Variants in ATP1A2 observed in about 807,000 individuals in gnomAD.
The protein encoded by ATP1A2 is ATPase Na+/K+ transporting subunit alpha 2.
In ATP1A2, 56 loss-of-function variants were observed where a neutral mutation model predicts 113.1. The observed-to-expected ratio is 0.49, with a 90% CI of 0.40 to 0.62. ATP1A2 has a LOEUF of 0.62. Ranked by LOEUF, ATP1A2 falls within the 20% of genes least tolerant of loss-of-function variation. The pLI, the probability that ATP1A2 is intolerant of heterozygous loss-of-function variation, is 0.00. For missense variants in ATP1A2, 712 were observed against 1,357.8 expected, an observed-to-expected ratio of 0.52 and a Z score of 7.47; for synonymous variants, 490 against 526.8, an observed-to-expected ratio of 0.93 and a Z score of 0.96.
rs761168835 is a variant in ATP1A2 at position 160,127,669 on chromosome 1, TCATC to T, written c.869_872del (p.Ile290SerfsTer2). ...CCCATAGCAATGGAGATTGAACACT[TCATC>T]CAGCTGATCACAGGGGTCGCTGTAT... On this transcript the variant is annotated frameshift_variant, in exon 8 of 23. Transcript: ENST00000361216. LOFTEE classifies it high-confidence loss of function. 11 of 1,614,212 alleles carry T rather than the reference TCATC, an allele frequency of 6.8e-6. No homozygotes were observed. Among genetic ancestry groups the T allele is most frequent in the Non-Finnish European group, 9.3e-6 (11 of 1,180,032 alleles).
intron 13 of ATP1A2, among the ~76,000 whole-genome samples, chr1:160,132,660 T>A (rs1160484874): frequency 2.0e-5 from 3 of 150,362 alleles, no homozygotes; most frequent in Non-Finnish European, 4.4e-5. Context: ...GTGGCAGGAG[T>A]AGAGAAAAGG....
Position 160,135,035 on chromosome 1 carries a change from G to A in ATP1A2, c.1965-110G>A. On this transcript the variant is annotated intron_variant, in intron 14 of 22. Coordinates refer to ENST00000361216, the MANE Select transcript of ATP1A2 (RefSeq NM_000702.4). This position sits in a 1 kb window ranked among gnomAD's most constrained non-coding sequence, Gnocchi z 6.3. ...GAGGAGAACTGAAGCAACAGGGGAA[G>A]CAGGCTCAGCAGGGAGCCTGCAGGC... 1 of 1,410,654 alleles carries A rather than the reference G, an allele frequency of 7.1e-7. No individual in the cohort carries two copies. Among genetic ancestry groups the A allele is most frequent in the Non-Finnish European group, 9.9e-7 (1 of 1,010,242 alleles). The allele number at this position is 1,410,654 out of a possible 1,614,324, so 87.4% of individuals were successfully genotyped here.
At chr1:160,136,205 C>T in intron 17 of ATP1A2, 42 bp from the exon 18 acceptor site, 2 of 1,613,740 alleles carry the variant, frequency 1.2e-6, no homozygotes, top group Non-Finnish European at 1.7e-6. Flanking sequence ...TCTCCTACGT[C>T]CCTTCAAATG....
At chr1:160,124,929 A>C (rs1437853843) in intron 6 of ATP1A2, among the ~76,000 whole-genome samples, 2 of 152,194 alleles carry the variant, frequency 1.3e-5, no homozygotes, top group African/African-American at 4.8e-5. Flanking sequence ...AAGTAACCCG[A>C]GGTCACATAA....
rs988090670 is a variant in ATP1A2 at position 160,143,591 on chromosome 1, A to G, written c.*2269A>G. ...AGTGGCATTTCTTTATGAAAAAAAA[A>G]GAAATCTCTTCCATAATTCAGATTT... On this transcript the variant is annotated 3_prime_UTR_variant, in exon 23 of 23. Transcript: ENST00000361216. 2.6e-5 allele frequency: 4 copies of G among 151,930 alleles called. No individual in the cohort carries two copies. In the East Asian group the frequency reaches 5.8e-4, roughly 22 times the overall value. The allele number at this position is 151,930 out of a possible 1,614,324, so 9.4% of individuals were successfully genotyped here.
intron 1 of ATP1A2, among the ~76,000 whole-genome samples, chr1:160,118,292 C>T (rs74123252): frequency 0.017 from 2,630 of 152,304 alleles, 79 homozygotes; most frequent in African/African-American, 0.059. Context: ...CCCTGCTCTT[C>T]TGCCCACAGA....
chr1:160,128,538 T>A, intron 8 of ATP1A2, 114 bp from the exon 9 acceptor site: 1 of 1,568,338 alleles, frequency 6.4e-7, no homozygotes, highest in Non-Finnish European at 8.6e-7. Flanking sequence ...TCCCACCCAT[T>A]CAAGTTAGTG....
At position 160,141,612 on chromosome 1, in the gene ATP1A2, A is replaced by C; in HGVS notation, c.*290A>C. ...TATTTTTTCTGAGGAATTAAGGGTTACCCCACCCTGCCCACTCCCATCCCT... is the reference window on the plus strand; with the variant it reads ...TATTTTTTCTGAGGAATTAAGGGTTCCCCCACCCTGCCCACTCCCATCCCT... On this transcript the variant is annotated 3_prime_UTR_variant, in exon 23 of 23. Transcript: ENST00000361216. The C allele has an allele frequency of 2.1e-6, 1 of 468,646 alleles. No individual in the cohort carries two copies. Among genetic ancestry groups the C allele is most frequent in the Non-Finnish European group, 3.9e-6 (1 of 253,554 alleles). 29.0% of individuals were successfully genotyped at this position (468,646 alleles called of 1,614,324 possible).
chr1:160,136,454 C>A, intron 18 of ATP1A2, 84 bp downstream of exon 18: 3 of 1,612,430 alleles, frequency 1.9e-6, no homozygotes, highest in Non-Finnish European at 2.5e-6. Flanking sequence ...AAGCAAAATT[C>A]CAGGACAGAG....
chr1:160,123,565 C>CTA (rs202147016), intron 4 of ATP1A2, 149 bp downstream of exon 4: 2 of 957,608 alleles, frequency 2.1e-6, no homozygotes, highest in Non-Finnish European at 3.2e-6. Context: ...GGAGAGGCTT[C>CTA]TATATATATC....
At chr1:160,132,099 T>C (rs997435272) in intron 13 of ATP1A2, among the ~76,000 whole-genome samples, 1 of 152,056 alleles carries the variant, frequency 6.6e-6, no homozygotes, top group Non-Finnish European at 1.5e-5. Context: ...AGGAATGATA[T>C]TTGAGCTGGG....
Position 160,130,424 on chromosome 1 carries a change from T to C in ATP1A2, c.1654T>C (p.Phe552Leu). 6.2e-7 allele frequency: 1 copy of C among 1,614,192 alleles called. No individual in the cohort carries two copies. Among genetic ancestry groups the C allele is most frequent in the South Asian group, 1.1e-5 (1 of 91,090 alleles). The part of the protein sequence containing the change: ...LGGLGERVLG[F>L]CQLNLPSGKF... ...TGATCCCTTCTGCCCCCCTTTAGGA[T>C]TCTGTCAACTGAATCTGCCATCTGG... is the stretch of plus-strand genomic sequence containing the variant. The change falls in exon 13 of 23, where the codon TTC (phenylalanine) becomes CTC (leucine). Residue 552 changes from phenylalanine to leucine, a missense_variant and splice_region_variant. Phe to Leu is a conservative substitution (Grantham distance 22, BLOSUM62 0). This residue lies in a region of ATP1A2 where 263 missense variants were observed against 380.6 expected (regional missense o/e 0.69). Transcript: ENST00000361216.
chr1:160,121,483 A>G (rs1025959058), intron 3 of ATP1A2, among the ~76,000 whole-genome samples: 9 of 152,220 alleles, frequency 5.9e-5, no homozygotes, highest in African/African-American at 2.2e-4. Context: ...CCTAGAAGCC[A>G]GGACTCCCTA....
chr1:160,132,278 G>C (rs922897955), intron 13 of ATP1A2, among the ~76,000 whole-genome samples: 1 of 152,134 alleles, frequency 6.6e-6, no homozygotes, highest in Admixed American at 6.5e-5. Flanking sequence ...CACTGGGTCA[G>C]AGCCAGTTGG....
At chr1:160,127,918 TC>T in intron 8 of ATP1A2, 98 bp downstream of exon 8, 25 of 1,478,082 alleles carry the variant, frequency 1.7e-5, no homozygotes, top group Non-Finnish European at 2.1e-5. Flanking sequence ...CACTACTTTT[TC>T]CCCCTAGAGT....
rs1652150606 is a variant in ATP1A2 at position 160,141,527 on chromosome 1, AC to A, written c.*206del. 1.5e-6 allele frequency: 1 copy of A among 662,552 alleles called. No homozygotes were observed. The highest frequency in any genetic ancestry group is 2.7e-6 in the Non-Finnish European group (1 of 365,658). 41.0% of individuals were successfully genotyped at this position (662,552 alleles called of 1,614,324 possible). A position where few individuals can be genotyped will look rare whatever the true frequency, so the allele number is the denominator to read the frequency against. ...ACCTAACTGTGAACAATCAGATTAG[AC>A]ACTATGTGTTAGAGTCCCCCCGACC... On this transcript the variant is annotated 3_prime_UTR_variant, in exon 23 of 23. Coordinates refer to ENST00000361216, the MANE Select transcript of ATP1A2 (RefSeq NM_000702.4).
Position 160,135,669 on chromosome 1 carries a change from C to T in ATP1A2, c.2284+67C>T. 6.2e-7 allele frequency: 1 copy of T among 1,611,892 alleles called. No individual in the cohort carries two copies. Among genetic ancestry groups the T allele is most frequent in the South Asian group, 1.1e-5 (1 of 90,956 alleles). The stretch of plus-strand genomic sequence containing the variant: ...AAGCCGGCACCTCTGTTCCCTGTCC[C>T]TTTACCCCAGTTGAAGAATCATTCC... On this transcript the variant is annotated intron_variant, in intron 16 of 22. Coordinates refer to ENST00000361216, the MANE Select transcript of ATP1A2 (RefSeq NM_000702.4). The surrounding 1 kb of genome is among the most constrained non-coding windows in gnomAD (Gnocchi z 6.3).
At chr1:160,122,635 C>A (rs536606641) in intron 3 of ATP1A2, among the ~76,000 whole-genome samples, 1 of 152,054 alleles carries the variant, frequency 6.6e-6, no homozygotes, top group East Asian at 1.9e-4. Context: ...CAGGTGATTG[C>A]CAAAGTTGTG....
Position 160,125,120 on chromosome 1 carries a change from A to G in ATP1A2, c.631-16A>G, listed in dbSNP as rs571618030. On this transcript the variant is annotated splice_polypyrimidine_tract_variant and intron_variant, in intron 6 of 22. Transcript: ENST00000361216. ...GGCTCTGCCAGTCTGATGACTATGC[A>G]CTCCTTCCTCCTCAGGTGGATAACT... is the stretch of plus-strand genomic sequence containing the variant. The G allele has an allele frequency of 4.0e-5, 64 of 1,610,344 alleles. 1 individual carries two copies. The South Asian group carries it at 6.9e-4, about 17-fold the overall frequency.
Sources: allele counts gnomAD v4.1 joint callset (sites outside exome capture counted in the v4.1 genomes callset), GRCh38; gene constraint gnomAD v4.1.1; regional missense constraint gnomAD v4.1.1; non-coding constraint Gnocchi (gnomAD v3.1); transcripts MANE v1.5; gene names NCBI Gene and HGNC (gene_info 2026-07-23, HGNC 2026-07-21).